SLC24A2: variants seen among roughly 807,000 people sequenced by gnomAD.
SLC24A2 encodes sodium/potassium/calcium exchanger 2.
In SLC24A2, 36 loss-of-function variants were observed where a neutral mutation model predicts 62.0. The ratio of observed to expected loss-of-function variants is 0.58; its 90% confidence interval spans 0.44 to 0.77. The LOEUF is 0.77. Ranked by LOEUF, SLC24A2 falls within the 30% of genes least tolerant of loss-of-function variation. The probability of loss-of-function intolerance (pLI) is 0.00; values close to 1 mark genes in which losing one functional copy is unlikely to be tolerated. For synonymous variants in SLC24A2, 358 were observed against 294.0 expected, an observed-to-expected ratio of 1.22 and a Z score of -2.23; for missense variants, 846 against 817.9, an observed-to-expected ratio of 1.03 and a Z score of -0.42.
At chr9:20,180,519 C>T in the SLC24A2 span, among the ~76,000 whole-genome samples, 3 of 152,044 alleles carry the variant, frequency 2.0e-5, no homozygotes, top group African/African-American at 4.8e-5. Context: ...TTCAGAAATC[C>T]TTTGTCTTTC....
chr9:20,006,408 CACA>C, the SLC24A2 span, among the ~76,000 whole-genome samples: 1 of 151,400 alleles, frequency 6.6e-6, no homozygotes, highest in Admixed American at 6.6e-5. Flanking sequence ...TATTTGATAG[CACA>C]ACAAGATGAC....
At chr9:20,140,442 C>T in the SLC24A2 span, among the ~76,000 whole-genome samples, 1 of 152,172 alleles carries the variant, frequency 6.6e-6, no homozygotes, top group Non-Finnish European at 1.5e-5. Context: ...TTGTGTTTGG[C>T]ATCTTCTGAT....
In SLC24A2 at chr9:19,515,723, C is replaced by G. The variant is rs2225142; in HGVS notation, c.*430G>C. The G allele has an allele frequency of 0.37, 55,601 of 151,836 alleles. 11,820 individuals carry two copies. The highest frequency in any genetic ancestry group is 0.64 in the East Asian group (3,299 of 5,192). The allele number at this position is 151,836 out of a possible 1,614,324, so 9.4% of individuals were successfully genotyped here. A position where few individuals can be genotyped will look rare whatever the true frequency, so the allele number is the denominator to read the frequency against. The stretch of plus-strand genomic sequence containing the variant: ...ATATATATATATAATTTTTCTTTGT[C>G]TTTATTTACAGGTATGTACTAATCT... On this transcript the variant is annotated 3_prime_UTR_variant, in exon 11 of 11. Transcript: ENST00000341998.
At chr9:19,518,792 A>G (rs918621468) in intron 10 of SLC24A2, among the ~76,000 whole-genome samples, 6 of 152,226 alleles carry the variant, frequency 3.9e-5, no homozygotes, top group Admixed American at 2.0e-4. Flanking sequence ...TGGCAAAGCT[A>G]TGAAGAAAGT....
At chr9:19,991,187 T>G in the SLC24A2 span, among the ~76,000 whole-genome samples, 3 of 151,938 alleles carry the variant, frequency 2.0e-5, no homozygotes, top group Admixed American at 6.6e-5. Flanking sequence ...ACCTCAAAAG[T>G]AAGGAAGCCG....
chr9:20,106,712 G>C, the SLC24A2 span, among the ~76,000 whole-genome samples: 2 of 152,030 alleles, frequency 1.3e-5, no homozygotes, highest in African/African-American at 2.4e-5. Context: ...AATAATAAGA[G>C]CTATCTATGA....
the SLC24A2 span, among the ~76,000 whole-genome samples, chr9:20,284,418 C>T: frequency 2.0e-5 from 3 of 152,096 alleles, no homozygotes; most frequent in Non-Finnish European, 4.4e-5. Flanking sequence ...GCTGGAACTA[C>T]AGGCAGGCAC....
chr9:20,003,354 T>C, the SLC24A2 span, among the ~76,000 whole-genome samples: 7 of 152,350 alleles, frequency 4.6e-5, no homozygotes, highest in African/African-American at 1.7e-4. Context: ...ATGGTGAGCA[T>C]GCTATTGTCA....
At position 19,622,276 on chromosome 9, in the gene SLC24A2, A is replaced by G; in HGVS notation, c.954T>C (p.Asp318=). ...TGCTTCCTACCGGTAGAGTTGGTTC[A>G]TCCTTGTCCCTGGCTGCAGATGGCT... is the stretch of plus-strand genomic sequence containing the variant. ...QAKPSAARDK[D]EPTLPAKPRL... Residue 318 remains aspartate, a synonymous_variant, in exon 3 of 11, where the codon GAT becomes GAC. Transcript: ENST00000341998. 6.2e-7 allele frequency: 1 copy of G among 1,613,374 alleles called. No homozygotes were observed.
At chr9:19,918,221 G>A in the SLC24A2 span, among the ~76,000 whole-genome samples, 6 of 151,128 alleles carry the variant, frequency 4.0e-5, no homozygotes, top group Non-Finnish European at 8.9e-5. Flanking sequence ...TTACATTCCT[G>A]GGAACTATTT....
chr9:19,966,384 A>G, the SLC24A2 span, among the ~76,000 whole-genome samples: 10 of 152,220 alleles, frequency 6.6e-5, no homozygotes, highest in African/African-American at 2.4e-4. Context: ...TTTGCTTCAA[A>G]TAAAAAGCCA....
At chr9:19,894,729 T>C in the SLC24A2 span, among the ~76,000 whole-genome samples, 1 of 152,172 alleles carries the variant, frequency 6.6e-6, no homozygotes, top group South Asian at 2.1e-4. Context: ...TGGGACAAGG[T>C]ATATTTATTA....
At chr9:20,189,514 A>C in the SLC24A2 span, among the ~76,000 whole-genome samples, 7 of 152,210 alleles carry the variant, frequency 4.6e-5, no homozygotes, top group African/African-American at 1.7e-4. Flanking sequence ...AAAGAAAGAA[A>C]GTGTGGGGAG....
At chr9:19,517,024 T>C (rs1468765112) in intron 10 of SLC24A2, among the ~76,000 whole-genome samples, 1 of 152,212 alleles carries the variant, frequency 6.6e-6, no homozygotes, top group Non-Finnish European at 1.5e-5. Flanking sequence ...ACATTTGTGA[T>C]GTGTGTGTTT....
the SLC24A2 span, among the ~76,000 whole-genome samples, chr9:19,880,929 T>C: frequency 0.011 from 1,699 of 152,284 alleles, 21 homozygotes; most frequent in Middle Eastern, 0.075. Flanking sequence ...TGGAGCCAGA[T>C]TGCTTAGGTT....
chr9:20,197,764 T>C, the SLC24A2 span, among the ~76,000 whole-genome samples: 1 of 151,868 alleles, frequency 6.6e-6, no homozygotes, highest in Non-Finnish European at 1.5e-5. Context: ...ACAATAACAT[T>C]ACCTTTGTCA....
chr9:19,795,169 G>C, the SLC24A2 span, among the ~76,000 whole-genome samples: 2 of 152,190 alleles, frequency 1.3e-5, no homozygotes, highest in Non-Finnish European at 2.9e-5. Flanking sequence ...CTGGAACAAA[G>C]CTTCCTCCAT....
At chr9:19,775,579 G>A (rs1822821578) in intron 2 of SLC24A2, among the ~76,000 whole-genome samples, 1 of 150,850 alleles carries the variant, frequency 6.6e-6, no homozygotes. Context: ...ATGGCTGAAA[G>A]AGTCCCAGTC....
the SLC24A2 span, among the ~76,000 whole-genome samples, chr9:19,935,712 C>T: frequency 3.3e-5 from 5 of 152,146 alleles, no homozygotes; most frequent in Non-Finnish European, 5.9e-5. Context: ...GTCAGGAATG[C>T]TCTTCTGCCA....
Sources: gnomAD v4.1 joint callset for allele counts (sites outside exome capture counted in the v4.1 genomes callset) on GRCh38, gnomAD v4.1.1 for gene constraint, MANE v1.5 for transcripts, NCBI Gene and HGNC (gene_info 2026-07-23, HGNC 2026-07-21) for gene names.